Variants in EML2 observed in about 807,000 individuals in gnomAD.
EML2 encodes the protein EMAP like 2.
In EML2, 59 loss-of-function variants were observed where a neutral mutation model predicts 84.7. The ratio of observed to expected loss-of-function variants is 0.70; its 90% CI spans 0.56 to 0.86. The LOEUF (loss-of-function observed/expected upper bound fraction) is 0.86. Ranked by LOEUF, EML2 falls within the 40% of genes least tolerant of loss-of-function variation. EML2 has a pLI of 0.00. For missense variants in EML2, 818 were observed against 855.6 expected (o/e 0.96, Z 0.55); for synonymous variants, 352 against 348.9 (o/e 1.01, Z -0.10).
Position 45,616,692 on chromosome 19 carries a change from C to T in EML2, c.1411+73G>A. The T allele has an allele frequency of 2.7e-6, 4 of 1,471,246 alleles. No individual in the cohort carries two copies. The South Asian group carries it at 4.6e-5, about 17-fold the overall frequency. 91.1% of individuals were successfully genotyped at this position (1,471,246 alleles called of 1,614,324 possible). On this transcript the variant is annotated intron_variant, in intron 14 of 18. Coordinates refer to ENST00000245925, the MANE Select transcript of EML2 (RefSeq NM_012155.4). ...TAGGCCTCGCTTCGCAGGCTCCACC[C>T]CTCCCCCTGCCAAGAGCTCTGAGCC...
At chr19:45,629,623 C>CTT (rs779747771) in intron 7 of EML2, among the ~76,000 whole-genome samples, 19 of 139,690 alleles carry the variant, frequency 1.4e-4, no homozygotes, top group African/African-American at 4.3e-4. Context: ...CGTGCCCGGC[C>CTT]TTTTTTTTTT....
At position 45,616,808 on chromosome 19, in the gene EML2, G is replaced by A. The variant is rs1971135870; in HGVS notation, c.1368C>T (p.His456=). 1 of 1,613,510 alleles carries A rather than the reference G, an allele frequency of 6.2e-7. No homozygotes were observed. Among genetic ancestry groups the A allele is most frequent in the South Asian group, 1.1e-5 (1 of 91,062 alleles). ...DTETHDLVAI[H]TDGNEQISVV... ...CTGAGATCTGTTCATTGCCGTCTGT[G>A]TGGATAGCCACCAGGTCATGGGTCT... Residue 456 remains histidine, a synonymous_variant, in exon 14 of 19, where the codon CAC becomes CAT. Coordinates refer to ENST00000245925, the MANE Select transcript of EML2 (RefSeq NM_012155.4).
intron 17 of EML2, 28 bp downstream of exon 17, chr19:45,614,577 G>A: frequency 6.3e-7 from 1 of 1,594,284 alleles, no homozygotes; most frequent in South Asian, 1.1e-5. Context: ...ACTGTCCTCA[G>A]TGAGACCTCT....
chr19:45,609,595 C>T lies in EML2; in HGVS notation c.*68G>A. The T allele has an allele frequency of 4.7e-6, 7 of 1,494,252 alleles. No homozygotes were observed. Among genetic ancestry groups the T allele is most frequent in the Non-Finnish European group, 6.3e-6 (7 of 1,114,730 alleles). The allele number at this position is 1,494,252 out of a possible 1,614,324, so 92.6% of individuals were successfully genotyped here. ...AGACATACTCTGGGTATATATTACTCTACTCGGCAATAGACATCTCCCGAA... is the reference window on the plus strand; with the variant it reads ...AGACATACTCTGGGTATATATTACTTTACTCGGCAATAGACATCTCCCGAA... On this transcript the variant is annotated 3_prime_UTR_variant, in exon 19 of 19. Transcript: ENST00000245925.
At chr19:45,645,505 C>T, upstream of EML2, 1 of 1,365,806 alleles carries the variant, frequency 7.3e-7, no homozygotes. Context: ...GGGGTCATCC[C>T]CAGGATGCCC....
chr19:45,635,882 G>T (rs903911735), intron 3 of EML2, among the ~76,000 whole-genome samples: 1 of 152,018 alleles, frequency 6.6e-6, no homozygotes, highest in Admixed American at 6.6e-5. Flanking sequence ...ATGAGCCACC[G>T]CGCCCGGGCT....
rs999537990 is a variant in EML2, at chr19:45,621,616, G to A, written c.863C>T (p.Ala288Val). 14 of 1,608,756 alleles carry A rather than the reference G, an allele frequency of 8.7e-6. No individual in the cohort carries two copies. Among genetic ancestry groups the A allele is most frequent in the African/African-American group, 5.3e-5 (4 of 74,888 alleles). Residue 288 changes from alanine to valine, a missense_variant, in exon 10 of 19, where the codon GCG becomes GTG. Physicochemically the swap from Ala to Val is moderately conservative, Grantham distance 64. Transcript: ENST00000245925. The stretch of plus-strand genomic sequence containing the variant: ...GCCGCCGTCGTGGGCGCCCAGCACC[G>A]CCTGTGTGATACGGTTCCCACCTGC... The part of the protein sequence containing the change: ...WGKGGNRITQ[A>V]VLGAHDGGVF...
In EML2 at chr19:45,634,302, C is replaced by T. The variant is rs781572365; in HGVS notation, c.329+20G>A. 6 of 1,612,488 alleles carry T rather than the reference C, an allele frequency of 3.7e-6. No homozygotes were observed. The East Asian group carries it at 1.3e-4, about 36-fold the overall frequency. On this transcript the variant is annotated intron_variant, in intron 4 of 18. Transcript: ENST00000245925. ...TCTCCAGCCACAGCTCCCTCCCGTCCCCTCTGTCCCACATCTCACCATTTG... is the reference window on the plus strand; with the variant it reads ...TCTCCAGCCACAGCTCCCTCCCGTCTCCTCTGTCCCACATCTCACCATTTG...
upstream of EML2, chr19:45,642,430 T>C: frequency 6.8e-7 from 1 of 1,473,382 alleles, no homozygotes; most frequent in Non-Finnish European, 9.0e-7. Context: ...CCTTCCTGGG[T>C]CTAAGCGGGG....
At chr19:45,642,115 T>C (rs1363264066), upstream of EML2, 5 of 1,475,926 alleles carry the variant, frequency 3.4e-6, no homozygotes, top group South Asian at 6.6e-5. Context: ...ATCCCACCCC[T>C]CCAGTCTAAC....
rs751856641 is a variant in EML2, at chr19:45,638,607, C to A, written c.77G>T (p.Arg26Met). The A allele has an allele frequency of 6.2e-7, 1 of 1,614,088 alleles. No individual in the cohort carries two copies. Among genetic ancestry groups the A allele is most frequent in the South Asian group, 1.1e-5 (1 of 91,086 alleles). The change falls in exon 3 of 19, where the codon AGG becomes ATG. Residue 26 changes from arginine (R) to methionine (M), a missense_variant. Transcript: ENST00000245925. ...GATCATCATGGGCACAGGGCGGCCC[C>A]TCAGGAACATTTTCACGGAGCCATC... The part of the protein sequence containing the change: ...VEDGSVKMFL[R>M]GRPVPMMIPD...
chr19:45,635,438 C>T (rs570710753), intron 3 of EML2, among the ~76,000 whole-genome samples: 3 of 152,050 alleles, frequency 2.0e-5, no homozygotes, highest in South Asian at 2.1e-4. Context: ...TGGCGCCCAG[C>T]CGAGGAATGT....
chr19:45,609,926 A>G, intron 18 of EML2, 138 bp from the exon 19 acceptor site: 1 of 1,007,668 alleles, frequency 9.9e-7, no homozygotes, highest in Non-Finnish European at 1.4e-6. Context: ...GAAGTCACTT[A>G]GGTATGAGCA....
chr19:45,642,269 C>A (rs773369167), upstream of EML2: 33 of 1,535,872 alleles, frequency 2.1e-5, no homozygotes, highest in Non-Finnish European at 7.8e-6. Context: ...ACCGCCAGCT[C>A]GTCTTCCTGT....
chr19:45,623,799 C>T (rs1260219389), intron 9 of EML2, among the ~76,000 whole-genome samples: 2 of 152,168 alleles, frequency 1.3e-5, no homozygotes, highest in Non-Finnish European at 2.9e-5. Flanking sequence ...GATCTGCCTG[C>T]CTCGGCTTCC....
chr19:45,629,761 A>G (rs766987698), intron 7 of EML2, among the ~76,000 whole-genome samples, 190 bp downstream of exon 7: 1 of 151,566 alleles, frequency 6.6e-6, no homozygotes, highest in Non-Finnish European at 1.5e-5. Context: ...TGCCCAGCCT[A>G]TTATCCCCAT....
chr19:45,621,750 C>CA, intron 9 of EML2, 113 bp from the exon 10 acceptor site: 24 of 994,360 alleles, frequency 2.4e-5, no homozygotes, highest in Non-Finnish European at 3.4e-5. Context: ...ACTTTTCCAC[C>CA]TTTTTTTTTT....
At chr19:45,616,988 A>G (rs1327284141) in intron 13 of EML2, 135 bp from the exon 14 acceptor site, 10 of 672,820 alleles carry the variant, frequency 1.5e-5, no homozygotes, top group South Asian at 8.3e-5. Context: ...GCTCAGGCCT[A>G]TAATCCCAGC....
upstream of EML2, chr19:45,642,309 G>T: frequency 6.5e-7 from 1 of 1,535,800 alleles, no homozygotes. Flanking sequence ...GCGCCGACAC[G>T]CGGTCGTCCA....
Sources: gnomAD v4.1 joint callset for allele counts (sites outside exome capture counted in the v4.1 genomes callset) on GRCh38, gnomAD v4.1.1 for gene constraint, MANE v1.5 for transcripts, NCBI Gene and HGNC (gene_info 2026-07-23, HGNC 2026-07-21) for gene names.